The following TFE3 variants were observed in gnomAD, a reference collection of about 807,000 sequenced individuals.
TFE3 encodes transcription factor E3.
Under a neutral mutation model 35.0 loss-of-function variants are expected in TFE3, and 5 were observed. The ratio of observed to expected loss-of-function variants is 0.14; its 90% CI spans 0.07 to 0.30. The LOEUF (loss-of-function observed/expected upper bound fraction) is 0.30, where lower values mean the gene tolerates loss of function less well. TFE3 is among the 10% of genes least tolerant of loss of function. The pLI is 1.00. For synonymous variants in TFE3, 211 were observed against 215.6 expected, an observed-to-expected ratio of 0.98 and a Z score of 0.18; for missense variants, 374 against 496.6, an observed-to-expected ratio of 0.75 and a Z score of 2.35.
At position 49,038,103 on chromosome X, in the gene TFE3, G is replaced by T. The variant is rs1557075046; in HGVS notation, c.792C>A (p.Val264=). Residue 264 remains valine, a synonymous_variant, in exon 5 of 10, where the codon GTC becomes GTA. Transcript: ENST00000315869. ...ACTCCAGGCTGATGATCTCATCAATGACATCATCAATCTAGGGGAAGAAGT... is the reference window on the plus strand; with the variant it reads ...ACTCCAGGCTGATGATCTCATCAATTACATCATCAATCTAGGGGAAGAAGT... ...GSSSEKEIDD[V]IDEIISLESS... 1.7e-6 allele frequency: 2 copies of T among 1,209,586 alleles called. No individual in the cohort carries two copies. Among genetic ancestry groups the T allele is most frequent in the Admixed American group, 4.4e-5 (2 of 45,825 alleles).
In TFE3 at chrX:49,033,751, C is replaced by T; in HGVS notation, c.1035G>A (p.Arg345=). The part of the protein sequence containing the change: ...ETEAKALLKE[R]QKKDNHNLIE... ...TTAGGTTGTGATTGTCTTTCTTCTGCCGTTCCTTCAAAAGGGCCTTTGCCT... is the reference window on the plus strand; with the variant it reads ...TTAGGTTGTGATTGTCTTTCTTCTGTCGTTCCTTCAAAAGGGCCTTTGCCT... Residue 345 remains arginine (R), a synonymous_variant, in exon 7 of 10, where the codon CGG becomes CGA. Transcript: ENST00000315869. 8.3e-7 allele frequency: 1 copy of T among 1,211,554 alleles called. No individual in the cohort carries two copies. Among genetic ancestry groups the T allele is most frequent in the Non-Finnish European group, 1.1e-6 (1 of 895,450 alleles).
Position 49,038,258 on chromosome X carries a change from G to T in TFE3, c.719C>A (p.Thr240Lys). 8.3e-7 allele frequency: 1 copy of T among 1,209,275 alleles called. No homozygotes were observed. The highest frequency in any genetic ancestry group is 3.0e-5 in the East Asian group (1 of 33,830). The change falls in exon 4 of 10, where the codon ACA becomes AAA. Residue 240 changes from threonine (T) to lysine (K), a missense_variant. Physicochemically the swap from Thr to Lys is moderately conservative, Grantham distance 78 (BLOSUM62 -1). Around this residue, in one of 3 missense-constraint regions of TFE3, gnomAD observed 167 missense variants for 297.2 expected, o/e 0.56. Transcript: ENST00000315869. ...APEAAHTTGPTGSAPNSPMAL... is the reference protein window; with the variant it reads ...APEAAHTTGPKGSAPNSPMAL... Reference sequence around the variant, plus strand: ...CATGGGGCTGTTGGGCGCACTGCCTGTGGGGCCGGTAGTGTGGGCAGCCTC... The same window carrying T: ...CATGGGGCTGTTGGGCGCACTGCCTTTGGGGCCGGTAGTGTGGGCAGCCTC...
Position 49,039,536 on chromosome X carries a change from A to G in TFE3, c.231-126T>C, listed in dbSNP as rs191501187. 1.1e-5 allele frequency: 8 copies of G among 757,843 alleles called. No individual in the cohort carries two copies. In the Admixed American group the frequency reaches 2.2e-4, roughly 21 times the overall value. 62.5% of individuals were successfully genotyped at this position (757,843 alleles called of 1,213,427 possible). On this transcript the variant is annotated intron_variant, in intron 2 of 9. Transcript: ENST00000315869. ...CTGTTCTCTGCCTTCCGAGGCCACA[A>G]TGTAGAAGCAGAGACACAGGAACCA...
rs782735670 is a variant in TFE3, at chrX:49,039,381, G to T, written c.260C>A (p.Ala87Asp). Residue 87 changes from alanine to aspartate, a missense_variant, in exon 3 of 10, where the codon GCC (alanine) becomes GAC (aspartate). Around this residue, in one of 3 missense-constraint regions of TFE3, gnomAD observed 90 missense variants for 87.5 expected, o/e 1.03. Coordinates refer to ENST00000315869, the MANE Select transcript of TFE3 (RefSeq NM_006521.6). The stretch of plus-strand genomic sequence containing the variant: ...CGATGCAGAGAGTGTAGCTGGGGTG[G>T]CTGGTGTGGCCTGCAGTGATATTGG... ...SLPISLQATP[A>D]TPATLSASSS... The T allele has an allele frequency of 8.3e-7, 1 of 1,201,320 alleles. No homozygotes were observed. The highest frequency in any genetic ancestry group is 1.1e-6 in the Non-Finnish European group (1 of 890,071).
intron 7 of TFE3, 90 bp from the exon 8 acceptor site, chrX:49,033,630 G>A: frequency 8.5e-7 from 1 of 1,176,822 alleles, no homozygotes; most frequent in Admixed American, 2.2e-5. Flanking sequence ...GGAGTTGGGA[G>A]GCTGTTGCAG....
Position 49,033,793 on chromosome X carries a change from G to A in TFE3, c.1004-11C>T, listed in dbSNP as rs782358989. On this transcript the variant is annotated splice_polypyrimidine_tract_variant and intron_variant, in intron 6 of 9. Transcript: ENST00000315869. Reference sequence around the variant, plus strand: ...CCTTTGCCTCGGTCTCTGGAAAAGAGTGGAGTGATCAGGGCCTCTGAGCAC... The same window carrying A: ...CCTTTGCCTCGGTCTCTGGAAAAGAATGGAGTGATCAGGGCCTCTGAGCAC... 672 of 1,209,483 alleles carry A rather than the reference G, an allele frequency of 5.6e-4. 7 individuals carry two copies. The South Asian group carries it at 0.011, about 20-fold the overall frequency.
At position 49,039,475 on chromosome X, in the gene TFE3, G is replaced by T. The variant is rs906297322; in HGVS notation, c.231-65C>A. ...TAAAAGTCTCATCCCAAGCCTAAAG[G>T]GTCTTAGCGTGACGGAGCAGACACA... On this transcript the variant is annotated intron_variant, in intron 2 of 9. Coordinates refer to ENST00000315869, the MANE Select transcript of TFE3 (RefSeq NM_006521.6). 3.8e-5 allele frequency: 40 copies of T among 1,066,483 alleles called. No individual in the cohort carries two copies. The African/African-American group carries it at 7.5e-4, about 20-fold the overall frequency. 87.9% of individuals were successfully genotyped at this position (1,066,483 alleles called of 1,213,427 possible).
rs192156376 is a variant in TFE3 at position 49,031,750 on chromosome X, C to T, written c.1137-206G>A. On this transcript the variant is annotated intron_variant, in intron 8 of 9. Coordinates refer to ENST00000315869, the MANE Select transcript of TFE3 (RefSeq NM_006521.6). Reference sequence around the variant, plus strand: ...CCATCACACTCCAAACCCTGGAAGCCGTCTCTGACCTGACCCCTTAGGATT... The same window carrying T: ...CCATCACACTCCAAACCCTGGAAGCTGTCTCTGACCTGACCCCTTAGGATT... 4.7e-5 allele frequency: 17 copies of T among 359,983 alleles called. No homozygotes were observed. In the East Asian group the frequency reaches 5.0e-4, roughly 11 times the overall value. The allele number at this position is 359,983 out of a possible 1,213,427, so 29.7% of individuals were successfully genotyped here.
intron 9 of TFE3, among the ~76,000 whole-genome samples, chrX:49,030,946 G>C (rs1235333424): frequency 9.0e-6 from 1 of 111,127 alleles, no homozygotes; most frequent in Non-Finnish European, 1.9e-5. Context: ...TTAGCTGGGT[G>C]TGGTGGTGCA....
chrX:49,031,496 A>G lies in TFE3; in HGVS notation c.1185T>C (p.Tyr395=), dbSNP rs1233301729. ...KGTILKASVD[Y]IRKLQKEQQR... ...GCTGCTCCTTCTGCAGCTTGCGGAT[A>G]TAATCCACAGAGGCCTTCAGGATGG... The change falls in exon 9 of 10, where the codon TAT becomes TAC. Residue 395 remains tyrosine (Y), a synonymous_variant. Transcript: ENST00000315869. 2 of 1,203,176 alleles carry G rather than the reference A, an allele frequency of 1.7e-6. No individual in the cohort carries two copies. The highest frequency in any genetic ancestry group is 3.0e-5 in the East Asian group (1 of 33,462).
chrX:49,040,718 C>A (rs1026135113), intron 1 of TFE3, 150 bp from the exon 2 acceptor site: 16 of 444,002 alleles, frequency 3.6e-5, no homozygotes, highest in African/African-American at 7.5e-5. Context: ...GGGTACCACA[C>A]CACCATGAAT....
intron 5 of TFE3, among the ~76,000 whole-genome samples, chrX:49,036,903 T>C (rs1557074873): frequency 8.9e-6 from 1 of 112,709 alleles, no homozygotes; most frequent in Non-Finnish European, 1.9e-5. Context: ...GAAAGTTTTA[T>C]CTACTGACTA....
In TFE3 at chrX:49,030,106, A is replaced by G; in HGVS notation, c.*52T>C. The G allele has an allele frequency of 8.6e-7, 1 of 1,157,396 alleles. No individual in the cohort carries two copies. The highest frequency in any genetic ancestry group is 1.9e-5 in the South Asian group (1 of 52,841). The stretch of plus-strand genomic sequence containing the variant: ...GGGGAAAAGGCGGGGCCTCATCCTG[A>G]CTGGTCCTCCTTTCCTGGGTGGGAA... On this transcript the variant is annotated 3_prime_UTR_variant, in exon 10 of 10. Coordinates refer to ENST00000315869, the MANE Select transcript of TFE3 (RefSeq NM_006521.6).
In TFE3 at chrX:49,029,903, C is replaced by T; in HGVS notation, c.*255G>A. ...AGGCTGTGATCCCCAGGGGGCAGGC[C>T]CTGATCTCATGTCCTTCTCCAGCCT... is the stretch of plus-strand genomic sequence containing the variant. On this transcript the variant is annotated 3_prime_UTR_variant, in exon 10 of 10. Coordinates refer to ENST00000315869, the MANE Select transcript of TFE3 (RefSeq NM_006521.6). 1 of 508,323 alleles carries T rather than the reference C, an allele frequency of 2.0e-6. No homozygotes were observed. The highest frequency in any genetic ancestry group is 2.4e-5 in the Admixed American group (1 of 41,232). The allele number at this position is 508,323 out of a possible 1,213,427, so 41.9% of individuals were successfully genotyped here. A position where few individuals can be genotyped will look rare whatever the true frequency, so the allele number is the denominator to read the frequency against.
At chrX:49,031,584 TGAG>T (rs782539390) in intron 8 of TFE3, 40 bp from the exon 9 acceptor site, 1 of 1,138,683 alleles carries the variant, frequency 8.8e-7, no homozygotes. Context: ...AAATGCCACA[TGAG>T]GAGTTTCTCA....
Position 49,030,223 on chromosome X carries a change from C to G in TFE3, c.1663G>C (p.Val555Leu). The change falls in exon 10 of 10, where the codon GTG (valine) becomes CTG (leucine). Residue 555 changes from valine to leucine, a missense_variant. Physicochemically the swap from Val to Leu is conservative, Grantham distance 32. Transcript: ENST00000315869. ...RAASDPLLSSVSPAVSKASSR... is the reference protein window; with the variant it reads ...RAASDPLLSSLSPAVSKASSR... ...CTGGCCTTGGAGACAGCAGGGGACA[C>G]TGAAGAGAGCAGGGGATCGGAGGCA... The G allele has an allele frequency of 3.3e-6, 4 of 1,209,280 alleles. No homozygotes were observed. The highest frequency in any genetic ancestry group is 4.5e-6 in the Non-Finnish European group (4 of 894,284).
At chrX:49,037,922 C>T in intron 5 of TFE3, 88 bp downstream of exon 5, 1 of 832,615 alleles carries the variant, frequency 1.2e-6, no homozygotes, top group Non-Finnish European at 1.7e-6. Flanking sequence ...AGGCAAGGGT[C>T]TCCTATACAC....
chrX:49,033,863 G>A (rs991221441), intron 6 of TFE3, 81 bp from the exon 7 acceptor site: 3 of 1,068,261 alleles, frequency 2.8e-6, no homozygotes, highest in Non-Finnish European at 3.9e-6. Context: ...GGGTTTGGTA[G>A]CCAAAAGCAG....
In TFE3 at chrX:49,043,206, T is replaced by C; in HGVS notation, c.21A>G (p.Pro7=). The C allele has an allele frequency of 8.5e-7, 1 of 1,174,023 alleles. No homozygotes were observed. Residue 7 remains proline, a synonymous_variant, in exon 1 of 10, where the codon CCA becomes CCG. Coordinates refer to ENST00000315869, the MANE Select transcript of TFE3 (RefSeq NM_006521.6). ...CGCTGGCCTCTACGCCATCCCGAGC[T>C]GGTTCGGCCGCATGAGACATGACGC... is the stretch of plus-strand genomic sequence containing the variant. MSHAAE[P]ARDGVEASAE...
Sources: allele counts gnomAD v4.1 joint callset (sites outside exome capture counted in the v4.1 genomes callset), GRCh38; gene constraint gnomAD v4.1.1; regional missense constraint gnomAD v4.1.1; transcripts MANE v1.5; gene names NCBI Gene and HGNC (gene_info 2026-07-23, HGNC 2026-07-21).